ANKLE2: variants seen among roughly 807,000 people sequenced by gnomAD.
ANKLE2 encodes the protein ankyrin repeat and LEM domain-containing protein 2.
Under a neutral mutation model 84.2 loss-of-function variants are expected in ANKLE2, and 55 were observed. The observed-to-expected ratio is 0.65, with a 90% CI of 0.53 to 0.82. ANKLE2 has a LOEUF of 0.82. Ranked by LOEUF, ANKLE2 falls within the 40% of genes least tolerant of loss-of-function variation. The probability of loss-of-function intolerance (pLI) is 0.00; values close to 1 mark genes in which losing one functional copy is unlikely to be tolerated. For synonymous variants in ANKLE2, 551 were observed against 486.1 expected (o/e 1.13, Z -1.76); for missense variants, 1,238 against 1,201.9 (o/e 1.03, Z -0.44).
rs959942052 is a variant in ANKLE2, at chr12:132,726,970, C to A, written c.*272G>T. 38 of 468,212 alleles carry A rather than the reference C, an allele frequency of 8.1e-5. No individual in the cohort carries two copies. Among genetic ancestry groups the A allele is most frequent in the African/African-American group, 1.9e-5 (1 of 51,494 alleles). The allele number at this position is 468,212 out of a possible 1,614,324, so 29.0% of individuals were successfully genotyped here. A position where few individuals can be genotyped will look rare whatever the true frequency, so the allele number is the denominator to read the frequency against. On this transcript the variant is annotated 3_prime_UTR_variant, in exon 13 of 13. Transcript: ENST00000357997. ...CCCTTTCCTCTGCTATATTTCAGAC[C>A]TAGAAATTGCCACCTAAAAAGTCTA...
Position 132,730,225 on chromosome 12 carries a change from A to T in ANKLE2, c.1937T>A (p.Met646Lys). The change falls in exon 11 of 13, where the codon ATG becomes AAG. Residue 646 changes from methionine to lysine, a missense_variant. Met to Lys is a moderately conservative substitution (Grantham distance 95, BLOSUM62 -1). This residue lies in a region of ANKLE2 where 802 missense variants were observed against 774.5 expected (regional missense o/e 1.04). Transcript: ENST00000357997. The part of the protein sequence containing the change: ...SVRAFLDEDD[M>K]SLEEIKNRQN... ...CCGATTTTTTATTTCTTCCAAGCTCATGTCATCTTCATCTAGAAACGCCCT... is the reference window on the plus strand; with the variant it reads ...CCGATTTTTTATTTCTTCCAAGCTCTTGTCATCTTCATCTAGAAACGCCCT... The T allele has an allele frequency of 6.9e-6, 11 of 1,586,634 alleles. No individual in the cohort carries two copies. Among genetic ancestry groups the T allele is most frequent in the Non-Finnish European group, 9.4e-6 (11 of 1,164,554 alleles).
intron 3 of ANKLE2, among the ~76,000 whole-genome samples, chr12:132,750,204 CAAAAAAAAAAAA>C (rs1038591889): frequency 1.3e-5 from 1 of 79,446 alleles, no homozygotes; most frequent in African/African-American, 5.2e-5. Flanking sequence ...GACTCCATCT[CAAAAAAAAAAAA>C]AAAAAAAAGA....
intron 10 of ANKLE2, chr12:132,731,364 CA>C (rs1208197512): frequency 6.6e-6 from 1 of 152,238 alleles, no homozygotes; most frequent in Non-Finnish European, 1.5e-5. Flanking sequence ...GGTTCAGAGT[CA>C]CAGGTCGTGA....
At chr12:132,747,103 C>G (rs1000701294) in intron 5 of ANKLE2, among the ~76,000 whole-genome samples, 1 of 152,222 alleles carries the variant, frequency 6.6e-6, no homozygotes, top group African/African-American at 2.4e-5. Context: ...TGAAATGACC[C>G]CACAGGTCAG....
At position 132,729,986 on chromosome 12, in the gene ANKLE2, G is replaced by C; in HGVS notation, c.2176C>G (p.Leu726Val). 1 of 1,613,424 alleles carries C rather than the reference G, an allele frequency of 6.2e-7. No homozygotes were observed. Among genetic ancestry groups the C allele is most frequent in the Non-Finnish European group, 8.5e-7 (1 of 1,179,934 alleles). Residue 726 changes from leucine to valine, a missense_variant, in exon 11 of 13, where the codon CTG becomes GTG. Leu to Val is a conservative substitution (Grantham distance 32). Coordinates refer to ENST00000357997, the MANE Select transcript of ANKLE2 (RefSeq NM_015114.3). ...ACAGTCAAATCCGAGACAGGTGGCAGATGGGCTTCCTCCCCACGGGGGGCC... is the reference window on the plus strand; with the variant it reads ...ACAGTCAAATCCGAGACAGGTGGCACATGGGCTTCCTCCCCACGGGGGGCC... ...PKAPRGEEAH[L>V]PPVSDLTVEF...
At chr12:132,752,726 T>C (rs192880774) in intron 2 of ANKLE2, among the ~76,000 whole-genome samples, 2 of 152,336 alleles carry the variant, frequency 1.3e-5, no homozygotes, top group Admixed American at 1.3e-4. Flanking sequence ...TCATAGTGTT[T>C]AACCAATTAT....
intron 2 of ANKLE2, among the ~76,000 whole-genome samples, chr12:132,754,443 A>T (rs913141549): frequency 1.3e-5 from 2 of 152,206 alleles, no homozygotes; most frequent in African/African-American, 4.8e-5. Flanking sequence ...TCAGTCCAGC[A>T]TATCTCATAG....
chr12:132,735,606 G>T, intron 8 of ANKLE2, 94 bp from the exon 9 acceptor site: 1 of 907,978 alleles, frequency 1.1e-6, no homozygotes, highest in Non-Finnish European at 1.7e-6. Context: ...GTAGCTGCCT[G>T]TCTCCGCACA....
At chr12:132,745,196 A>G (rs986914959) in intron 5 of ANKLE2, 2 of 158,898 alleles carry the variant, frequency 1.3e-5, no homozygotes, top group African/African-American at 4.8e-5. Context: ...TTCTCCTCAC[A>G]AAGGCCTGCC....
chr12:132,725,810 C>G lies in ANKLE2; in HGVS notation c.*1432G>C, dbSNP rs2043689487. 2 of 152,168 alleles carry G rather than the reference C, an allele frequency of 1.3e-5. No homozygotes were observed. The highest frequency in any genetic ancestry group is 6.5e-5 in the Admixed American group (1 of 15,282). The allele number at this position is 152,168 out of a possible 1,614,324, so 9.4% of individuals were successfully genotyped here. On this transcript the variant is annotated 3_prime_UTR_variant, in exon 13 of 13. Coordinates refer to ENST00000357997, the MANE Select transcript of ANKLE2 (RefSeq NM_015114.3). ...AACCAAGGTGCCTTTTAAAATGCGGCTTTTTAGAATAGCATGTGTTGTTTC... is the reference window on the plus strand; with the variant it reads ...AACCAAGGTGCCTTTTAAAATGCGGGTTTTTAGAATAGCATGTGTTGTTTC...
At chr12:132,745,397 C>A in intron 5 of ANKLE2, 1 of 159,338 alleles carries the variant, frequency 6.3e-6, no homozygotes. Context: ...GGAGGCTGGG[C>A]CTCTCTGCCT....
At chr12:132,753,036 G>A (rs777808047) in intron 2 of ANKLE2, among the ~76,000 whole-genome samples, 2 of 151,610 alleles carry the variant, frequency 1.3e-5, no homozygotes, top group Admixed American at 6.6e-5. Flanking sequence ...GTGGCCAGGC[G>A]AGGTGGCTCA....
intron 5 of ANKLE2, among the ~76,000 whole-genome samples, chr12:132,744,962 G>A (rs11147044): frequency 0.29 from 44,147 of 152,196 alleles, 7,625 homozygotes; most frequent in Non-Finnish European, 0.39. Context: ...TTACAGGCGT[G>A]AGCCACTGCA....
At chr12:132,734,146 G>A (rs562648962) in intron 10 of ANKLE2, 4 of 567,428 alleles carry the variant, frequency 7.0e-6, no homozygotes, top group East Asian at 7.3e-5. Context: ...TCAGGAGGCT[G>A]AGGCAGAAGA....
At chr12:132,756,790 G>A (rs1479155501) in intron 1 of ANKLE2, 2 of 151,654 alleles carry the variant, frequency 1.3e-5, no homozygotes, top group Admixed American at 1.3e-4. Context: ...AATTAGACAG[G>A]CGCAGTGGCG....
chr12:132,760,314 G>A (rs2044599502), intron 1 of ANKLE2: 1 of 152,152 alleles, frequency 6.6e-6, no homozygotes, highest in Non-Finnish European at 1.5e-5. Context: ...CCAGGTATGT[G>A]GGGATTTTCT....
rs770518021 is a variant in ANKLE2 at position 132,730,226 on chromosome 12, T to C, written c.1936A>G (p.Met646Val). ...CGATTTTTTATTTCTTCCAAGCTCA[T>C]GTCATCTTCATCTAGAAACGCCCTC... ...SVRAFLDEDDMSLEEIKNRQN... is the reference protein window; with the variant it reads ...SVRAFLDEDDVSLEEIKNRQN... The change falls in exon 11 of 13, where the codon ATG (methionine) becomes GTG (valine). Residue 646 changes from methionine (M) to valine (V), a missense_variant. Physicochemically the swap from Met to Val is conservative, Grantham distance 21. This residue lies in a region of ANKLE2 where 802 missense variants were observed against 774.5 expected (regional missense o/e 1.04). Coordinates refer to ENST00000357997, the MANE Select transcript of ANKLE2 (RefSeq NM_015114.3). 6 of 1,585,600 alleles carry C rather than the reference T, an allele frequency of 3.8e-6. No homozygotes were observed. Among genetic ancestry groups the C allele is most frequent in the South Asian group, 3.4e-5 (3 of 89,104 alleles).
intron 2 of ANKLE2, among the ~76,000 whole-genome samples, chr12:132,751,683 T>C (rs1267437365): frequency 6.6e-6 from 1 of 151,646 alleles, no homozygotes; most frequent in Admixed American, 6.6e-5. Flanking sequence ...GCTGGGATTA[T>C]AGGCACCGGC....
chr12:132,730,250 T>C lies in ANKLE2; in HGVS notation c.1912A>G (p.Arg638Gly). The C allele has an allele frequency of 6.4e-7, 1 of 1,565,638 alleles. No individual in the cohort carries two copies. Among genetic ancestry groups the C allele is most frequent in the Non-Finnish European group, 8.7e-7 (1 of 1,154,380 alleles). Reference sequence around the variant, plus strand: ...ATGTCATCTTCATCTAGAAACGCCCTCACGGAAATGGAATTGCTGCCTGTG... The same window carrying C: ...ATGTCATCTTCATCTAGAAACGCCCCCACGGAAATGGAATTGCTGCCTGTG... ...TTSGSNSISVRAFLDEDDMSL... is the reference protein window; with the variant it reads ...TTSGSNSISVGAFLDEDDMSL... Residue 638 changes from arginine to glycine, a missense_variant, in exon 11 of 13, where the codon AGG becomes GGG. Physicochemically the swap from Arg to Gly is moderately radical, Grantham distance 125 (BLOSUM62 -2). Transcript: ENST00000357997.
Sources: allele counts gnomAD v4.1 joint callset (sites outside exome capture counted in the v4.1 genomes callset), GRCh38; gene constraint gnomAD v4.1.1; regional missense constraint gnomAD v4.1.1; transcripts MANE v1.5; gene names NCBI Gene and HGNC (gene_info 2026-07-23, HGNC 2026-07-21).